Variants in RIMBP2 observed in about 807,000 individuals in gnomAD.
The protein encoded by RIMBP2 is RIMS-binding protein 2.
Under a neutral mutation model 118.6 loss-of-function variants are expected in RIMBP2, and 48 were observed. That is an observed-to-expected ratio of 0.40 (90% CI 0.32 to 0.51). The LOEUF is 0.51. Ranked by LOEUF, RIMBP2 falls within the 20% of genes least tolerant of loss-of-function variation. The pLI is 0.41. For synonymous variants in RIMBP2, 762 were observed against 742.9 expected, an observed-to-expected ratio of 1.03 and a Z score of -0.42; for missense variants, 1,551 against 1,768.3, an observed-to-expected ratio of 0.88 and a Z score of 2.20.
intron 2 of RIMBP2, among the ~76,000 whole-genome samples, chr12:130,550,329 A>G (rs2055628149): frequency 1.3e-5 from 2 of 152,230 alleles, no homozygotes; most frequent in African/African-American, 4.8e-5. Flanking sequence ...AAAAGTGATG[A>G]TGTTCAGAAA....
chr12:130,399,893 TC>T, intron 21 of RIMBP2, 80 bp from the exon 22 acceptor site: 1 of 1,478,706 alleles, frequency 6.8e-7, no homozygotes, highest in East Asian at 2.3e-5. Flanking sequence ...GGAATACAGC[TC>T]AGAGTACAGG....
Position 130,424,735 on chromosome 12 carries a change from C to T in RIMBP2, c.2536G>A (p.Gly846Arg). 2 of 1,232,278 alleles carry T rather than the reference C, an allele frequency of 1.6e-6. No individual in the cohort carries two copies. The highest frequency in any genetic ancestry group is 4.1e-5 in the South Asian group (1 of 24,322). The allele number at this position is 1,232,278 out of a possible 1,614,324, so 76.3% of individuals were successfully genotyped here. ...EVAEEDGECC[G>R]LLHKQGAGPS... ...CCTGCACCCTGCTTGTGTAGCAGCC[C>T]ACAGCACTCTCCGTCCTCTTCCGCT... The change falls in exon 16 of 23, where the codon GGG becomes AGG. Residue 846 changes from glycine to arginine, a missense_variant. Gly to Arg is a moderately radical substitution (Grantham distance 125). Coordinates refer to ENST00000690449, the MANE Select transcript of RIMBP2 (RefSeq NM_001393629.1). The surrounding 1 kb of genome is among the most constrained non-coding windows in gnomAD (Gnocchi z 9.8).
chr12:130,613,165 G>A (rs1448638895), intron 2 of RIMBP2, among the ~76,000 whole-genome samples: 1 of 152,250 alleles, frequency 6.6e-6, no homozygotes, highest in Non-Finnish European at 1.5e-5. Context: ...AGAAGGCCAT[G>A]CCTGGTGAGT....
intron 1 of RIMBP2, among the ~76,000 whole-genome samples, chr12:130,674,746 A>C (rs2064365083): frequency 6.6e-6 from 1 of 151,990 alleles, no homozygotes; most frequent in Non-Finnish European, 1.5e-5. Flanking sequence ...GAAACCCCAT[A>C]TCCATGACCG....
chr12:130,654,513 A>G (rs2063347062), intron 1 of RIMBP2, among the ~76,000 whole-genome samples: 1 of 151,830 alleles, frequency 6.6e-6, no homozygotes, highest in South Asian at 2.1e-4. Context: ...CCATTTAACC[A>G]CTCTCCAAGG....
chr12:130,560,618 G>A (rs187028594), intron 2 of RIMBP2, among the ~76,000 whole-genome samples: 16 of 152,282 alleles, frequency 1.1e-4, no homozygotes, highest in East Asian at 1.9e-4. Context: ...CTGACTCCTC[G>A]CGTGGCCAAG....
At chr12:130,433,288 C>A (rs2077271476) in intron 14 of RIMBP2, among the ~76,000 whole-genome samples, 1 of 152,194 alleles carries the variant, frequency 6.6e-6, no homozygotes, top group South Asian at 2.1e-4. Context: ...CATTCTAACA[C>A]TAAAACCCGC....
At chr12:130,685,990 T>G (rs745639695) in intron 1 of RIMBP2, among the ~76,000 whole-genome samples, 6 of 152,100 alleles carry the variant, frequency 3.9e-5, no homozygotes, top group Non-Finnish European at 7.3e-5. Context: ...GGGGAGCAGA[T>G]GCACCCCAAG....
chr12:130,447,880 G>A lies in RIMBP2; in HGVS notation c.581+2320C>T, dbSNP rs529422821. Among the ~76,000 whole-genome samples the A allele has an allele frequency of 2.0e-5, 3 of 152,276 alleles. No individual in the cohort carries two copies. Among genetic ancestry groups the A allele is most frequent in the African/African-American group, 4.8e-5 (2 of 41,546 alleles). The stretch of plus-strand genomic sequence containing the variant: ...AGGCCGCTCGGCACCCAGAGTGAGC[G>A]CCCAGGTGAGCAAGAGGCTTTCGGT... On this transcript the variant is annotated intron_variant, in intron 9 of 22. Coordinates refer to ENST00000690449, the MANE Select transcript of RIMBP2 (RefSeq NM_001393629.1). This position sits in a 1 kb window ranked among gnomAD's most constrained non-coding sequence, Gnocchi z 4.4.
At chr12:130,589,146 A>G (rs1218241385) in intron 2 of RIMBP2, among the ~76,000 whole-genome samples, 1 of 152,228 alleles carries the variant, frequency 6.6e-6, no homozygotes, top group Non-Finnish European at 1.5e-5. Flanking sequence ...ATAGTCAGCA[A>G]CAACAATGAA....
intron 2 of RIMBP2, among the ~76,000 whole-genome samples, chr12:130,589,309 G>T (rs1001265099): frequency 3.1e-4 from 47 of 152,066 alleles, no homozygotes; most frequent in African/African-American, 1.4e-4. Context: ...CACACGCTTT[G>T]TTCTGTTTTG....
At chr12:130,497,489 G>A (rs989206436) in intron 4 of RIMBP2, among the ~76,000 whole-genome samples, 4 of 152,156 alleles carry the variant, frequency 2.6e-5, no homozygotes, top group African/African-American at 9.7e-5. Context: ...TACCGCATCC[G>A]ACGAACAGAA....
chr12:130,524,047 C>T (rs565919661), intron 2 of RIMBP2, among the ~76,000 whole-genome samples: 9 of 152,118 alleles, frequency 5.9e-5, no homozygotes, highest in Non-Finnish European at 1.2e-4. Context: ...GATGCTTCCT[C>T]GCAGCCTCTG....
chr12:130,446,220 A>G lies in RIMBP2; in HGVS notation c.582-951T>C, dbSNP rs7136149. Among the ~76,000 whole-genome samples the G allele has an allele frequency of 0.035, 5,331 of 152,292 alleles. 334 individuals carry two copies. The highest frequency in any genetic ancestry group is 0.12 in the African/African-American group (5,027 of 41,552). ...GAACTCATTAAAAAATGAAAATAAC[A>G]TTAGAGTTGGAGAAGATAGCCAGAC... On this transcript the variant is annotated intron_variant, in intron 9 of 22. Transcript: ENST00000690449. The surrounding 1 kb of genome is among the most constrained non-coding windows in gnomAD (Gnocchi z 4.1).
Position 130,523,888 on chromosome 12 carries a change from TG to T in RIMBP2, c.-216-5972del, listed in dbSNP as rs1464547017. On this transcript the variant is annotated intron_variant, in intron 2 of 22. Transcript: ENST00000690449. The surrounding 1 kb of genome is among the most constrained non-coding windows in gnomAD (Gnocchi z 4.4). Reference sequence around the variant, plus strand: ...CCTGATACAGGTCTGGTCTCAGAGGTGGGGAAGAGGGTCCACCCAGCACAAA... The same window carrying T: ...CCTGATACAGGTCTGGTCTCAGAGGTGGGAAGAGGGTCCACCCAGCACAAA... Among the ~76,000 whole-genome samples, 2 of 151,958 alleles carry T rather than the reference TG, an allele frequency of 1.3e-5. No homozygotes were observed. The highest frequency in any genetic ancestry group is 2.4e-5 in the African/African-American group (1 of 41,372).
intron 2 of RIMBP2, among the ~76,000 whole-genome samples, chr12:130,560,864 T>C (rs1015245269): frequency 6.6e-6 from 1 of 152,164 alleles, no homozygotes; most frequent in African/African-American, 2.4e-5. Flanking sequence ...TCCAAATTCA[T>C]CTGTTAAAGG....
At chr12:130,489,448 C>T (rs868725564) in intron 4 of RIMBP2, among the ~76,000 whole-genome samples, 2 of 152,114 alleles carry the variant, frequency 1.3e-5, no homozygotes, top group African/African-American at 2.4e-5. Context: ...ACTTCCCAGA[C>T]GCCCTCGCCC....
chr12:130,549,537 T>G (rs569038140), intron 2 of RIMBP2, among the ~76,000 whole-genome samples: 1 of 152,322 alleles, frequency 6.6e-6, no homozygotes, highest in Non-Finnish European at 1.5e-5. Context: ...TAGGCCCCAG[T>G]GTCTGCTGTT....
intron 17 of RIMBP2, among the ~76,000 whole-genome samples, chr12:130,418,966 G>A (rs940028293): frequency 6.6e-6 from 1 of 152,178 alleles, no homozygotes; most frequent in African/African-American, 2.4e-5. Context: ...CGTTGTTTTG[G>A]GGGGAAGACA....
Sources: gnomAD v4.1 joint callset for allele counts (sites outside exome capture counted in the v4.1 genomes callset) on GRCh38, gnomAD v4.1.1 for gene constraint, Gnocchi (gnomAD v3.1) non-coding constraint, MANE v1.5 for transcripts, NCBI Gene and HGNC (gene_info 2026-07-23, HGNC 2026-07-21) for gene names.